EGFLAM: variants seen among roughly 807,000 people sequenced by gnomAD.
EGFLAM encodes the protein EGF like, fibronectin type III and laminin G domains, also known as pikachurin.
Under a neutral mutation model 113.1 loss-of-function variants are expected in EGFLAM, and 79 were observed. The ratio of observed to expected loss-of-function variants is 0.70; its 90% CI spans 0.58 to 0.84. EGFLAM has a LOEUF of 0.84. Among genes scored for constraint, EGFLAM ranks in the 40% least tolerant of loss-of-function variants. The pLI is 0.00. For synonymous variants in EGFLAM, 504 were observed against 487.6 expected (o/e 1.03, Z -0.44); for missense variants, 1,265 against 1,291.6 (o/e 0.98, Z 0.32).
intron 20 of EGFLAM, among the ~76,000 whole-genome samples, chr5:38,460,316 G>T (rs1042623780): frequency 1.3e-5 from 2 of 152,204 alleles, no homozygotes; most frequent in African/African-American, 4.8e-5. Flanking sequence ...ATACACTCTG[G>T]TGAGGATACC....
Position 38,451,547 on chromosome 5 carries a change from AAC to A in EGFLAM, c.2687+93_2687+94del, listed in dbSNP as rs939759840. 2.9e-5 allele frequency: 44 copies of A among 1,516,226 alleles called. No homozygotes were observed. The African/African-American group carries it at 5.7e-4, about 20-fold the overall frequency. The allele number at this position is 1,516,226 out of a possible 1,614,324, so 93.9% of individuals were successfully genotyped here. On this transcript the variant is annotated intron_variant, in intron 19 of 21. Transcript: ENST00000322350. ...CCAGAGTGATTCAGAAGGGAGCCAG[AAC>A]ACAGTCTGCTGGAATTGGCTGAAGC...
chr5:38,402,082 CTG>C (rs1270221660), intron 6 of EGFLAM: 1 of 152,088 alleles, frequency 6.6e-6, no homozygotes, highest in Non-Finnish European at 1.5e-5. Flanking sequence ...AATAGGTAGG[CTG>C]TGTGTAAGGA....
At chr5:38,434,853 C>T (rs1166942017) in intron 15 of EGFLAM, among the ~76,000 whole-genome samples, 2 of 152,202 alleles carry the variant, frequency 1.3e-5, no homozygotes, top group African/African-American at 2.4e-5. Context: ...TGCAGTCTGC[C>T]ACAGTCATCA....
chr5:38,333,744 G>A (rs1362496187), intron 1 of EGFLAM, among the ~76,000 whole-genome samples: 4 of 151,512 alleles, frequency 2.6e-5, no homozygotes, highest in Non-Finnish European at 5.9e-5. Context: ...CTCCCACTCT[G>A]TAGGTTGTCT....
At chr5:38,287,536 C>T (rs546868720) in intron 1 of EGFLAM, among the ~76,000 whole-genome samples, 2 of 152,234 alleles carry the variant, frequency 1.3e-5, no homozygotes, top group South Asian at 4.1e-4. Flanking sequence ...CATGCCTAGC[C>T]AAGTTTTGTA....
chr5:38,294,740 G>GGA (rs1758413694), intron 1 of EGFLAM, among the ~76,000 whole-genome samples: 1 of 152,086 alleles, frequency 6.6e-6, no homozygotes, highest in African/African-American at 2.4e-5. Flanking sequence ...TCCCTTTCCA[G>GGA]AAAGTATATA....
chr5:38,317,480 C>T (rs192103562), intron 1 of EGFLAM, among the ~76,000 whole-genome samples: 12 of 152,180 alleles, frequency 7.9e-5, no homozygotes, highest in East Asian at 3.9e-4. Context: ...CTGGGGGCAG[C>T]GGACTGTCTT....
At chr5:38,328,941 A>T (rs1414343708) in intron 1 of EGFLAM, among the ~76,000 whole-genome samples, 1 of 152,124 alleles carries the variant, frequency 6.6e-6, no homozygotes, top group Non-Finnish European at 1.5e-5. Context: ...ATTATTTTTT[A>T]AAAATTTATA....
intron 6 of EGFLAM, among the ~76,000 whole-genome samples, chr5:38,397,015 T>G (rs1412429037): frequency 6.6e-6 from 1 of 152,202 alleles, no homozygotes; most frequent in East Asian, 1.9e-4. Flanking sequence ...ACAGGGGTTA[T>G]GCACCATTTG....
At chr5:38,329,693 C>T (rs1244991063) in intron 1 of EGFLAM, among the ~76,000 whole-genome samples, 1 of 152,178 alleles carries the variant, frequency 6.6e-6, no homozygotes, top group African/African-American at 2.4e-5. Context: ...ATGCTGCTCT[C>T]TCTGCCTGGG....
intron 16 of EGFLAM, among the ~76,000 whole-genome samples, chr5:38,436,041 C>T (rs910102828): frequency 7.2e-5 from 11 of 152,076 alleles, no homozygotes; most frequent in Non-Finnish European, 1.2e-4. Flanking sequence ...TGGTCTCGAA[C>T]TCCTGACCTT....
intron 1 of EGFLAM, among the ~76,000 whole-genome samples, chr5:38,260,785 C>G (rs1757482089): frequency 6.6e-6 from 1 of 152,176 alleles, no homozygotes; most frequent in Non-Finnish European, 1.5e-5. Context: ...AATTTCCCTC[C>G]TGGGCTCATT....
intron 1 of EGFLAM, among the ~76,000 whole-genome samples, chr5:38,332,681 T>C (rs2451001): frequency 0.37 from 57,026 of 152,144 alleles, 14,412 homozygotes; most frequent in African/African-American, 0.72. Context: ...GTGTTCCTTA[T>C]GGGAAACAAA....
At chr5:38,393,073 C>T (rs1279293479) in intron 6 of EGFLAM, among the ~76,000 whole-genome samples, 2 of 151,948 alleles carry the variant, frequency 1.3e-5, no homozygotes, top group Non-Finnish European at 2.9e-5. Context: ...TTTTGCTTTT[C>T]AATAGAAATT....
chr5:38,411,422 T>G (rs904193635), intron 10 of EGFLAM, among the ~76,000 whole-genome samples: 1 of 151,956 alleles, frequency 6.6e-6, no homozygotes, highest in Non-Finnish European at 1.5e-5. Context: ...AGCGAGACTC[T>G]TTCTCAAAAG....
At chr5:38,358,317 G>T (rs1159667002) in intron 5 of EGFLAM, among the ~76,000 whole-genome samples, 1 of 151,174 alleles carries the variant, frequency 6.6e-6, no homozygotes, top group African/African-American at 2.4e-5. Context: ...CGAGGTGGCG[G>T]GCACCTGTAG....
intron 5 of EGFLAM, among the ~76,000 whole-genome samples, chr5:38,365,846 C>G (rs966264566): frequency 2.0e-5 from 3 of 152,048 alleles, no homozygotes; most frequent in Admixed American, 1.3e-4. Context: ...AATTAAGTAG[C>G]TCCCACCCTG....
chr5:38,297,228 T>A (rs1278508671), intron 1 of EGFLAM, among the ~76,000 whole-genome samples: 2 of 152,226 alleles, frequency 1.3e-5, no homozygotes, highest in East Asian at 3.8e-4. Context: ...TAGAGGCAGC[T>A]GGGTGAAGGA....
chr5:38,310,650 T>A (rs1738416680), intron 1 of EGFLAM, among the ~76,000 whole-genome samples: 1 of 152,156 alleles, frequency 6.6e-6, no homozygotes, highest in Non-Finnish European at 1.5e-5. Context: ...TTTTCCCTAA[T>A]GCCTTAACAT....
Sources: allele counts gnomAD v4.1 joint callset (sites outside exome capture counted in the v4.1 genomes callset), GRCh38; gene constraint gnomAD v4.1.1; transcripts MANE v1.5; gene names NCBI Gene and HGNC (gene_info 2026-07-23, HGNC 2026-07-21).